SLC14A2: variants seen among roughly 807,000 people sequenced by gnomAD.
SLC14A2 encodes the protein solute carrier family 14 member 2.
SLC14A2 carries 91 observed loss-of-function variants against 104.6 expected under a neutral mutation model. The ratio of observed to expected loss-of-function variants is 0.87; its 90% CI spans 0.73 to 1.04. The LOEUF is 1.04. SLC14A2 is among the 50% of genes least tolerant of loss of function. SLC14A2 has a pLI of 0.00. For missense variants in SLC14A2, 1,189 were observed against 1,156.0 expected (o/e 1.03, Z -0.41); for synonymous variants, 476 against 466.4 (o/e 1.02, Z -0.27).
At chr18:45,463,279 C>A (rs1038693957) in intron 1 of SLC14A2, among the ~76,000 whole-genome samples, 3 of 152,176 alleles carry the variant, frequency 2.0e-5, no homozygotes, top group African/African-American at 7.2e-5. Context: ...CAGTGATAAG[C>A]TTTGTCATTT....
intron 2 of SLC14A2, among the ~76,000 whole-genome samples, chr18:45,596,760 G>A (rs1385947499): frequency 6.6e-6 from 1 of 152,182 alleles, no homozygotes; most frequent in Non-Finnish European, 1.5e-5. Flanking sequence ...AAAGTCAACA[G>A]ATTATGAAAC....
chr18:45,417,606 C>A (rs994762840), intron 1 of SLC14A2, among the ~76,000 whole-genome samples: 1 of 152,062 alleles, frequency 6.6e-6, no homozygotes, highest in Non-Finnish European at 1.5e-5. Context: ...GAACCGCCCC[C>A]AATTCAATTA....
intron 1 of SLC14A2, among the ~76,000 whole-genome samples, chr18:45,391,114 G>A (rs955234650): frequency 2.6e-5 from 4 of 151,840 alleles, no homozygotes; most frequent in Admixed American, 6.6e-5. Flanking sequence ...GGTGTGTGAT[G>A]TTCCCCTTCC....
chr18:45,241,780 A>T (rs1156360348), intron 1 of SLC14A2, among the ~76,000 whole-genome samples: 2 of 151,170 alleles, frequency 1.3e-5, no homozygotes, highest in East Asian at 3.9e-4. Flanking sequence ...AGTAGCTGGG[A>T]TTACAGGCAT....
chr18:45,223,722 A>T (rs774076706), intron 1 of SLC14A2, among the ~76,000 whole-genome samples: 5 of 152,166 alleles, frequency 3.3e-5, no homozygotes, highest in Non-Finnish European at 7.3e-5. Context: ...TAAGGACTCT[A>T]AGACTCAGCC....
At position 45,533,154 on chromosome 18, in the gene SLC14A2, A is replaced by T. The variant is rs185336372; in HGVS notation, c.-35+49832A>T. Among the ~76,000 whole-genome samples the T allele has an allele frequency of 9.3e-4, 141 of 152,260 alleles. 2 individuals are homozygous for T. In the East Asian group the frequency reaches 0.024, roughly 25 times the overall value. ...TGTTTATCAAGGATATTGGTCTAAA[A>T]TTCTCTTTTTTGGTTGTGTCTCTGC... On this transcript the variant is annotated intron_variant, in intron 2 of 20. Transcript: ENST00000586448.
chr18:45,567,610 G>A (rs1029621940), intron 2 of SLC14A2, among the ~76,000 whole-genome samples: 14 of 152,172 alleles, frequency 9.2e-5, no homozygotes, highest in South Asian at 2.1e-4. Context: ...GGGTTAGCCC[G>A]GTGAGTGTGA....
chr18:45,575,336 G>A (rs1280833548), intron 2 of SLC14A2, among the ~76,000 whole-genome samples: 4 of 152,112 alleles, frequency 2.6e-5, no homozygotes, highest in Non-Finnish European at 4.4e-5. Context: ...CTTCTAGCTG[G>A]TGATGGAAGG....
At chr18:45,486,996 A>G (rs1316570150) in intron 2 of SLC14A2, among the ~76,000 whole-genome samples, 2 of 152,206 alleles carry the variant, frequency 1.3e-5, no homozygotes, top group East Asian at 1.9e-4. Flanking sequence ...AAGGGACTGT[A>G]TCAGTTTCCC....
intron 2 of SLC14A2, among the ~76,000 whole-genome samples, chr18:45,551,547 C>G (rs1365586013): frequency 1.3e-5 from 2 of 152,184 alleles, no homozygotes; most frequent in Non-Finnish European, 2.9e-5. Flanking sequence ...AGTCCAGGCT[C>G]TCTGGCATGT....
At chr18:45,193,231 A>T in the SLC14A2 span, among the ~76,000 whole-genome samples, 1 of 152,174 alleles carries the variant, frequency 6.6e-6, no homozygotes, top group Admixed American at 6.5e-5. Context: ...CAACATCTGT[A>T]ATTATTATGA....
chr18:45,365,844 AGT>A (rs2085660616), intron 1 of SLC14A2, among the ~76,000 whole-genome samples: 1 of 152,162 alleles, frequency 6.6e-6, no homozygotes, highest in Non-Finnish European at 1.5e-5. Flanking sequence ...TATTGTTACT[AGT>A]GATTGTTTTT....
At chr18:45,500,081 A>G (rs897391561) in intron 2 of SLC14A2, among the ~76,000 whole-genome samples, 2 of 152,188 alleles carry the variant, frequency 1.3e-5, no homozygotes, top group African/African-American at 4.8e-5. Flanking sequence ...GCCGCAAATA[A>G]ATTGGTAATA....
chr18:45,517,285 C>T (rs373761498), intron 2 of SLC14A2, among the ~76,000 whole-genome samples: 54 of 152,288 alleles, frequency 3.5e-4, no homozygotes, highest in African/African-American at 1.1e-3. Flanking sequence ...TCATGAGACG[C>T]GGCCCTGGCT....
the SLC14A2 span, among the ~76,000 whole-genome samples, chr18:45,195,650 A>G: frequency 6.6e-6 from 1 of 152,168 alleles, no homozygotes; most frequent in East Asian, 1.9e-4. Flanking sequence ...TTGGCCTCCC[A>G]TAGTGCTGGG....
chr18:45,255,478 C>T (rs2084467478), intron 1 of SLC14A2, among the ~76,000 whole-genome samples: 1 of 152,180 alleles, frequency 6.6e-6, no homozygotes, highest in South Asian at 2.1e-4. Flanking sequence ...AGAGCAGATC[C>T]CTACTTTGCC....
chr18:45,282,776 TG>T (rs1321101741), intron 1 of SLC14A2, among the ~76,000 whole-genome samples: 1 of 152,172 alleles, frequency 6.6e-6, no homozygotes, highest in Non-Finnish European at 1.5e-5. Context: ...ATTCTGCTTT[TG>T]TTTGGTTTGC....
chr18:45,325,271 A>C (rs1220845954), intron 1 of SLC14A2, among the ~76,000 whole-genome samples: 2 of 152,244 alleles, frequency 1.3e-5, no homozygotes, highest in African/African-American at 2.4e-5. Flanking sequence ...GGATGACCAG[A>C]AACTTTCAGG....
At chr18:45,641,823 C>T (rs78159743) in intron 8 of SLC14A2, among the ~76,000 whole-genome samples, 2,109 of 152,286 alleles carry the variant, frequency 0.014, 41 homozygotes, top group African/African-American at 0.048. Flanking sequence ...GGTGATGTAC[C>T]AGGAGCACTA....
Sources: allele counts gnomAD v4.1 joint callset (sites outside exome capture counted in the v4.1 genomes callset), GRCh38; gene constraint gnomAD v4.1.1; transcripts MANE v1.5; gene names NCBI Gene and HGNC (gene_info 2026-07-23, HGNC 2026-07-21).